The following ST18 variants were observed in gnomAD, a reference collection of about 807,000 sequenced individuals.
ST18 encodes suppression of tumorigenicity 18 protein.
A neutral mutation model predicts 110.0 loss-of-function variants in ST18; 50 were observed. The ratio of observed to expected loss-of-function variants is 0.45; its 90% CI spans 0.36 to 0.58. The LOEUF (loss-of-function observed/expected upper bound fraction) is 0.58, where lower values mean the gene tolerates loss of function less well. Among genes scored for constraint, ST18 ranks in the 20% least tolerant of loss-of-function variants. The probability of loss-of-function intolerance (pLI) is 0.00; values close to 1 mark genes in which losing one functional copy is unlikely to be tolerated. For synonymous variants in ST18, 461 were observed against 452.4 expected, an observed-to-expected ratio of 1.02 and a Z score of -0.24; for missense variants, 1,306 against 1,280.1, an observed-to-expected ratio of 1.02 and a Z score of -0.31.
chr8:52,178,633 A>C lies in ST18; in HGVS notation c.277+1489T>G, dbSNP rs1460882572. On this transcript the variant is annotated intron_variant, in intron 9 of 25. Transcript: ENST00000689386. ...CTCCATCAAAAAAAAAAAAAAAAAA[A>C]AAAAAAAAAACCACCAAAAACCAAA... is the stretch of plus-strand genomic sequence containing the variant. 4.7e-3 allele frequency among the ~76,000 whole-genome samples: 627 copies of C among 132,354 alleles called. 120 individuals carry two copies. The highest frequency in any genetic ancestry group is 0.019 in the African/African-American group (576 of 29,946). The allele number at this position is 132,354 out of a possible 152,430, so 86.8% of individuals were successfully genotyped here.
At chr8:52,289,410 G>A (rs1231239009) in intron 2 of ST18, among the ~76,000 whole-genome samples, 4 of 152,068 alleles carry the variant, frequency 2.6e-5, no homozygotes, top group East Asian at 1.9e-4. Context: ...CAGTGATTGC[G>A]CCACTGCACT....
At chr8:52,387,064 A>G (rs1048509217) in intron 2 of ST18, among the ~76,000 whole-genome samples, 1 of 152,152 alleles carries the variant, frequency 6.6e-6, no homozygotes, top group African/African-American at 2.4e-5. Flanking sequence ...AAATTTACAG[A>G]TAATTTCTTC....
chr8:52,223,992 G>T lies in ST18; in HGVS notation c.-418-2199C>A, dbSNP rs2088146241. The stretch of plus-strand genomic sequence containing the variant: ...ATTTTAGCACATTTACCTTAGTATT[G>T]CTATCCCTTGAGAACCTATCTCCAC... On this transcript the variant is annotated intron_variant, in intron 3 of 25. Coordinates refer to ENST00000689386, the MANE Select transcript of ST18 (RefSeq NM_001352837.2). Among the ~76,000 whole-genome samples, 5 of 152,012 alleles carry T rather than the reference G, an allele frequency of 3.3e-5. No individual in the cohort carries two copies. The South Asian group carries it at 1.0e-3, about 32-fold the overall frequency.
At chr8:52,346,892 G>A (rs1359959152) in intron 2 of ST18, among the ~76,000 whole-genome samples, 1 of 152,176 alleles carries the variant, frequency 6.6e-6, no homozygotes, top group African/African-American at 2.4e-5. Flanking sequence ...GAGAAAGGAG[G>A]AAACGGCTGG....
chr8:52,312,344 A>G (rs142193977), intron 2 of ST18, among the ~76,000 whole-genome samples: 34 of 152,334 alleles, frequency 2.2e-4, no homozygotes, highest in African/African-American at 7.9e-4. Context: ...TGCCTCCAGT[A>G]GTTAATGCCT....
intron 6 of ST18, among the ~76,000 whole-genome samples, chr8:52,215,078 T>C (rs1397312178): frequency 1.3e-5 from 2 of 152,186 alleles, no homozygotes; most frequent in African/African-American, 4.8e-5. Flanking sequence ...ATAAGTTGCT[T>C]TGCTTGTTGA....
intron 2 of ST18, among the ~76,000 whole-genome samples, chr8:52,255,265 C>T (rs919967332): frequency 1.3e-5 from 2 of 152,152 alleles, no homozygotes; most frequent in Non-Finnish European, 2.9e-5. Flanking sequence ...TTATGCTGCT[C>T]TCACAGGGAA....
intron 3 of ST18, among the ~76,000 whole-genome samples, chr8:52,223,307 T>C (rs998345391): frequency 2.4e-4 from 37 of 152,242 alleles, no homozygotes; most frequent in Admixed American, 5.2e-4. Flanking sequence ...GATAATGATA[T>C]ACATGTTAAT....
chr8:52,371,518 A>T (rs1830265052), intron 2 of ST18, among the ~76,000 whole-genome samples: 2 of 152,028 alleles, frequency 1.3e-5, no homozygotes, highest in Non-Finnish European at 2.9e-5. Context: ...AGGTGCTGTT[A>T]AAAAAAATTA....
At chr8:52,197,027 T>C (rs1037068980) in intron 8 of ST18, among the ~76,000 whole-genome samples, 1 of 152,154 alleles carries the variant, frequency 6.6e-6, no homozygotes, top group Admixed American at 6.5e-5. Context: ...AAATAAGAAT[T>C]TTACATTTTA....
At chr8:52,122,230 C>T (rs970080217) in intron 23 of ST18, among the ~76,000 whole-genome samples, 9 of 152,060 alleles carry the variant, frequency 5.9e-5, no homozygotes, top group Admixed American at 6.5e-5. Flanking sequence ...GCTTTCTTTT[C>T]ATTTAATAAT....
At chr8:52,188,418 C>A (rs2073213431) in intron 8 of ST18, among the ~76,000 whole-genome samples, 1 of 152,128 alleles carries the variant, frequency 6.6e-6, no homozygotes, top group South Asian at 2.1e-4. Flanking sequence ...TAGCACCGTG[C>A]AAGGCACATC....
intron 17 of ST18, among the ~76,000 whole-genome samples, chr8:52,139,518 A>G (rs1342237678): frequency 6.6e-6 from 1 of 151,780 alleles, no homozygotes; most frequent in Admixed American, 6.6e-5. Context: ...ACCATGCCCG[A>G]CTAATTTTTG....
intron 9 of ST18, among the ~76,000 whole-genome samples, 163 bp from the exon 10 acceptor site, chr8:52,172,746 C>T (rs1364926671): frequency 2.6e-5 from 4 of 152,126 alleles, no homozygotes; most frequent in Non-Finnish European, 5.9e-5. Flanking sequence ...TATATCATCT[C>T]TATTAATTTT....
Position 52,113,035 on chromosome 8 carries a change from T to C in ST18, c.*163A>G. The C allele has an allele frequency of 1.5e-6, 1 of 671,258 alleles. No individual in the cohort carries two copies. The allele number at this position is 671,258 out of a possible 1,614,324, so 41.6% of individuals were successfully genotyped here. On this transcript the variant is annotated 3_prime_UTR_variant, in exon 26 of 26. Transcript: ENST00000689386. Reference sequence around the variant, plus strand: ...AATCCAAGAAGTCTATCATAGTTTTTCTTTCCTTTTTATATCAGCTGGGGA... The same window carrying C: ...AATCCAAGAAGTCTATCATAGTTTTCCTTTCCTTTTTATATCAGCTGGGGA...
At chr8:52,284,170 T>G (rs1160566342) in intron 2 of ST18, among the ~76,000 whole-genome samples, 2 of 152,186 alleles carry the variant, frequency 1.3e-5, no homozygotes, top group South Asian at 4.1e-4. Flanking sequence ...AAAGGCTGAT[T>G]ATGGAATTCT....
At chr8:52,264,030 C>G (rs954541821) in intron 2 of ST18, among the ~76,000 whole-genome samples, 4 of 151,958 alleles carry the variant, frequency 2.6e-5, no homozygotes, top group African/African-American at 9.7e-5. Flanking sequence ...AATTCCTGAC[C>G]TCAAGTGACC....
chr8:52,220,194 G>T (rs2136320039), intron 5 of ST18, among the ~76,000 whole-genome samples: 1 of 152,278 alleles, frequency 6.6e-6, no homozygotes, highest in Middle Eastern at 3.4e-3. Flanking sequence ...TTTTCTTGCT[G>T]TTATTTTGAG....
intron 2 of ST18, among the ~76,000 whole-genome samples, chr8:52,338,444 A>C (rs978393966): frequency 2.0e-5 from 3 of 152,168 alleles, no homozygotes; most frequent in African/African-American, 7.2e-5. Flanking sequence ...TTTATGAATT[A>C]TAGGAATTAC....
Sources: allele counts gnomAD v4.1 joint callset (sites outside exome capture counted in the v4.1 genomes callset), GRCh38; gene constraint gnomAD v4.1.1; transcripts MANE v1.5; gene names NCBI Gene and HGNC (gene_info 2026-07-23, HGNC 2026-07-21).